BCAS3: variants seen among roughly 807,000 people sequenced by gnomAD.
BCAS3 encodes the protein BCAS3 microtubule associated cell migration factor, also known as BCAS4/BCAS3 fusion.
Under a neutral mutation model 116.1 loss-of-function variants are expected in BCAS3, and 53 were observed. The observed-to-expected ratio is 0.46, with a 90% CI of 0.37 to 0.57. The LOEUF (loss-of-function observed/expected upper bound fraction) is 0.57. BCAS3 is among the 20% of genes least tolerant of loss of function. BCAS3 has a pLI of 0.00. For synonymous variants in BCAS3, 391 were observed against 408.2 expected, an observed-to-expected ratio of 0.96 and a Z score of 0.51; for missense variants, 917 against 1,165.4, an observed-to-expected ratio of 0.79 and a Z score of 3.10.
chr17:60,770,834 GTTTTTTTTTTTTT>G (rs60854011), intron 6 of BCAS3, among the ~76,000 whole-genome samples: 31,316 of 77,286 alleles, frequency 0.41, 8,435 homozygotes, highest in African/African-American at 0.71. Context: ...ACTGAAATTT[GTTTTTTTTTTTTT>G]TTTTTTTTTT....
At chr17:60,805,172 T>G (rs1195485513) in intron 6 of BCAS3, among the ~76,000 whole-genome samples, 3 of 152,030 alleles carry the variant, frequency 2.0e-5, no homozygotes, top group African/African-American at 7.2e-5. Flanking sequence ...GTAGAAAATG[T>G]CTGACTTATT....
chr17:61,206,496 A>G (rs1036289048), intron 22 of BCAS3, among the ~76,000 whole-genome samples: 1 of 152,126 alleles, frequency 6.6e-6, no homozygotes, highest in Non-Finnish European at 1.5e-5. Context: ...CTGCATTTTT[A>G]GATTAGAAAA....
At chr17:60,832,756 T>G (rs942910594) in intron 7 of BCAS3, among the ~76,000 whole-genome samples, 3 of 152,232 alleles carry the variant, frequency 2.0e-5, no homozygotes, top group African/African-American at 2.4e-5. Context: ...AGTATCAAAC[T>G]GATAACTATT....
chr17:60,947,415 T>C lies in BCAS3; in HGVS notation c.1221+63T>C, dbSNP rs2060566052. 6 of 1,474,618 alleles carry C rather than the reference T, an allele frequency of 4.1e-6. No individual in the cohort carries two copies. The Admixed American group carries it at 1.1e-4, about 27-fold the overall frequency. The allele number at this position is 1,474,618 out of a possible 1,614,324, so 91.3% of individuals were successfully genotyped here. A position where few individuals can be genotyped will look rare whatever the true frequency, so the allele number is the denominator to read the frequency against. ...GTAATATGACATCTACTCTAGCTGG[T>C]CATTTATATTACATTGCAGCTTAAT... On this transcript the variant is annotated intron_variant, in intron 14 of 23. Coordinates refer to ENST00000407086, the MANE Select transcript of BCAS3 (RefSeq NM_017679.5).
Position 61,128,717 on chromosome 17 carries a change from A to G in BCAS3, c.2425+44153A>G. 2 of 618,542 alleles carry G rather than the reference A, an allele frequency of 3.2e-6. No individual in the cohort carries two copies. The highest frequency in any genetic ancestry group is 1.4e-4 in the East Asian group (1 of 7,114). 38.3% of individuals were successfully genotyped at this position (618,542 alleles called of 1,614,324 possible). ...ACCAGCATATTGGCAGTCGTCTCAC[A>G]ACATGATTTTGCATTTACATCATCG... is the stretch of plus-strand genomic sequence containing the variant. On this transcript the variant is annotated intron_variant, in intron 22 of 23. Transcript: ENST00000407086. The surrounding 1 kb of genome is among the most constrained non-coding windows in gnomAD (Gnocchi z 4.1).
chr17:61,331,785 C>T (rs986146607), intron 22 of BCAS3, among the ~76,000 whole-genome samples: 1 of 152,186 alleles, frequency 6.6e-6, no homozygotes, highest in African/African-American at 2.4e-5. Flanking sequence ...AAATTTGTGT[C>T]ACTCCAGTCG....
chr17:61,067,016 A>G (rs1042975553), intron 19 of BCAS3, among the ~76,000 whole-genome samples: 19 of 151,674 alleles, frequency 1.3e-4, no homozygotes, highest in Non-Finnish European at 2.5e-4. Flanking sequence ...CAACACTTTT[A>G]ACTTTCTCTA....
At chr17:60,803,130 T>C (rs1363219979) in intron 6 of BCAS3, among the ~76,000 whole-genome samples, 1 of 152,242 alleles carries the variant, frequency 6.6e-6, no homozygotes, top group Non-Finnish European at 1.5e-5. Flanking sequence ...TGAAGGGATG[T>C]TTCAATATTA....
intron 7 of BCAS3, among the ~76,000 whole-genome samples, chr17:60,822,570 TAAG>T (rs2050056620): frequency 6.6e-6 from 1 of 152,230 alleles, no homozygotes; most frequent in Non-Finnish European, 1.5e-5. Flanking sequence ...AAATATAAGT[TAAG>T]AAGTAATATT....
At chr17:61,146,583 CAA>C (rs2077228320) in intron 22 of BCAS3, among the ~76,000 whole-genome samples, 1 of 152,222 alleles carries the variant, frequency 6.6e-6, no homozygotes, top group East Asian at 1.9e-4. Flanking sequence ...TCATGGCTTT[CAA>C]AATGGAACTA....
At chr17:61,185,867 G>A (rs977237547) in intron 22 of BCAS3, among the ~76,000 whole-genome samples, 1 of 152,076 alleles carries the variant, frequency 6.6e-6, no homozygotes, top group Non-Finnish European at 1.5e-5. Context: ...ATATACTCAT[G>A]TTTGGCTAAA....
chr17:61,353,634 T>C (rs1294566695), intron 22 of BCAS3: 1 of 152,256 alleles, frequency 6.6e-6, no homozygotes, highest in Non-Finnish European at 1.5e-5. Flanking sequence ...AAGCACCTTG[T>C]AAAGGGTAGA....
chr17:61,207,963 T>G (rs996982132), intron 22 of BCAS3, among the ~76,000 whole-genome samples: 5 of 152,216 alleles, frequency 3.3e-5, no homozygotes, highest in African/African-American at 7.2e-5. Context: ...CTCAGTCAGA[T>G]TCTTGCTTTT....
intron 4 of BCAS3, among the ~76,000 whole-genome samples, chr17:60,697,813 A>G (rs1179192690): frequency 1.3e-5 from 2 of 152,114 alleles, no homozygotes; most frequent in Admixed American, 6.6e-5. Flanking sequence ...GAAACCATGC[A>G]AGAATGCTAG....
chr17:61,223,035 T>C (rs1313004771), intron 22 of BCAS3, among the ~76,000 whole-genome samples: 2 of 152,212 alleles, frequency 1.3e-5, no homozygotes, highest in East Asian at 1.9e-4. Context: ...TTCTCTGTAT[T>C]TGAAGAATGC....
At chr17:60,778,283 T>A (rs968529486) in intron 6 of BCAS3, among the ~76,000 whole-genome samples, 1 of 152,128 alleles carries the variant, frequency 6.6e-6, no homozygotes, top group Non-Finnish European at 1.5e-5. Flanking sequence ...ATTTTCCTGT[T>A]TATATCTCTC....
intron 23 of BCAS3, among the ~76,000 whole-genome samples, chr17:61,386,300 C>T (rs1252273426): frequency 2.0e-5 from 3 of 152,220 alleles, no homozygotes; most frequent in Non-Finnish European, 4.4e-5. Flanking sequence ...TCTGCCTTCT[C>T]GGGTTCTCTT....
intron 12 of BCAS3, among the ~76,000 whole-genome samples, chr17:60,914,943 G>T (rs2058702856): frequency 6.6e-6 from 1 of 151,926 alleles, no homozygotes; most frequent in African/African-American, 2.4e-5. Flanking sequence ...CTGTGCAGGG[G>T]GTCAGCACTT....
intron 16 of BCAS3, among the ~76,000 whole-genome samples, chr17:61,025,426 A>T (rs2066170942): frequency 6.6e-6 from 1 of 152,106 alleles, no homozygotes; most frequent in Admixed American, 6.6e-5. Context: ...ATATGCATTT[A>T]TCTGCATTGT....
Sources: gnomAD v4.1 joint callset for allele counts (sites outside exome capture counted in the v4.1 genomes callset) on GRCh38, gnomAD v4.1.1 for gene constraint, Gnocchi (gnomAD v3.1) non-coding constraint, MANE v1.5 for transcripts, NCBI Gene and HGNC (gene_info 2026-07-23, HGNC 2026-07-21) for gene names.